Variants in CACNA1C observed in about 807,000 individuals in gnomAD.
CACNA1C encodes the protein calcium voltage-gated channel subunit alpha1 C.
A neutral mutation model predicts 229.0 loss-of-function variants in CACNA1C; 30 were observed. That is an observed-to-expected ratio of 0.13 (90% CI 0.10 to 0.18). The LOEUF (loss-of-function observed/expected upper bound fraction) is 0.18, where lower values mean the gene tolerates loss of function less well. Ranked by LOEUF, CACNA1C falls within the 10% of genes least tolerant of loss-of-function variation. The pLI is 1.00. For synonymous variants in CACNA1C, 1,114 were observed against 1,132.5 expected (o/e 0.98, Z 0.33); for missense variants, 1,658 against 2,845.0 (o/e 0.58, Z 9.49).
chr12:2,516,061 G>C (rs1368361010), intron 9 of CACNA1C, among the ~76,000 whole-genome samples: 1 of 152,030 alleles, frequency 6.6e-6, no homozygotes, highest in East Asian at 1.9e-4. Flanking sequence ...GGGGGAAGCA[G>C]TGAAGGGGGA....
chr12:2,360,173 C>T (rs796544010), intron 3 of CACNA1C, among the ~76,000 whole-genome samples: 4,067 of 113,734 alleles, frequency 0.036, 124 homozygotes, highest in African/African-American at 0.066. Context: ...CCCACCCCCC[C>T]ACCCCACACA....
rs769745410 is a variant in CACNA1C at position 2,181,096 on chromosome 12, G to T, written c.477+60666G>T. On this transcript the variant is annotated intron_variant, in intron 3 of 46. Transcript: ENST00000399655. The surrounding 1 kb of genome is among the most constrained non-coding windows in gnomAD (Gnocchi z 4.0). Reference sequence around the variant, plus strand: ...AGACTCAAATGTTTTCTTCTGGGGGGTTACAGTCTGGGGAAGACCCCTGTG... The same window carrying T: ...AGACTCAAATGTTTTCTTCTGGGGGTTTACAGTCTGGGGAAGACCCCTGTG... Among the ~76,000 whole-genome samples, 2 of 152,136 alleles carry T rather than the reference G, an allele frequency of 1.3e-5. No individual in the cohort carries two copies. Among genetic ancestry groups the T allele is most frequent in the East Asian group, 3.8e-4 (2 of 5,200 alleles).
At chr12:2,641,641 C>G in intron 30 of CACNA1C, 1 of 689,144 alleles carries the variant, frequency 1.5e-6, no homozygotes, top group South Asian at 1.5e-5. Context: ...TGAAGTGATT[C>G]CAGCACAGTC....
intron 3 of CACNA1C, among the ~76,000 whole-genome samples, chr12:2,280,851 C>T (rs529993315): frequency 6.6e-6 from 1 of 152,326 alleles, no homozygotes; most frequent in East Asian, 1.9e-4. Flanking sequence ...TTTCTGCCTC[C>T]TTTTGGATTA....
In CACNA1C at chr12:2,521,626, G is replaced by A. The variant is rs1004554830; in HGVS notation, c.1390+8642G>A. The stretch of plus-strand genomic sequence containing the variant: ...TCCCAGTTCCCCAGGATACAAAGCC[G>A]CCTTCCTCTTTCCTCTCCTGTGCCC... On this transcript the variant is annotated intron_variant, in intron 9 of 46. Coordinates refer to ENST00000399655, the MANE Select transcript of CACNA1C (RefSeq NM_000719.7). Among the ~76,000 whole-genome samples, 8 of 152,164 alleles carry A rather than the reference G, an allele frequency of 5.3e-5. No homozygotes were observed. In the East Asian group the frequency reaches 7.7e-4, roughly 15 times the overall value.
Position 2,595,808 on chromosome 12 carries a change from G to T in CACNA1C, c.2664-66G>T. The T allele has an allele frequency of 6.5e-7, 1 of 1,546,586 alleles. No homozygotes were observed. Among genetic ancestry groups the T allele is most frequent in the Non-Finnish European group, 8.8e-7 (1 of 1,133,590 alleles). ...GAGAGCTGAGGAGAGGGGCTCCCAA[G>T]AGCCGACTGGTGCTTCCCCTTGTCT... On this transcript the variant is annotated intron_variant, in intron 19 of 46. Coordinates refer to ENST00000399655, the MANE Select transcript of CACNA1C (RefSeq NM_000719.7). The surrounding 1 kb of genome is among the most constrained non-coding windows in gnomAD (Gnocchi z 4.1).
At chr12:2,122,531 G>A (rs961285943) in intron 3 of CACNA1C, among the ~76,000 whole-genome samples, 2 of 151,874 alleles carry the variant, frequency 1.3e-5, no homozygotes, top group Admixed American at 6.5e-5. Context: ...GCTGTGACCC[G>A]GCCTCCCGGT....
intron 3 of CACNA1C, among the ~76,000 whole-genome samples, chr12:2,144,609 TG>T (rs1565963083): frequency 1.3e-5 from 2 of 151,382 alleles, no homozygotes; most frequent in African/African-American, 4.8e-5. Flanking sequence ...TGTTTAGGTT[TG>T]GGGTGTGACT....
intron 1 of CACNA1C, chr12:1,997,790 G>A (rs372728456): frequency 4.7e-5 from 32 of 675,670 alleles, no homozygotes; most frequent in South Asian, 1.5e-4. Context: ...TCCCTTCTTC[G>A]TGTCAACTAA....
chr12:2,252,257 G>C (rs1394033931), intron 3 of CACNA1C, among the ~76,000 whole-genome samples: 1 of 152,164 alleles, frequency 6.6e-6, no homozygotes, highest in African/African-American at 2.4e-5. Flanking sequence ...ATTTGCTGGG[G>C]GCTCTTGTGG....
intron 3 of CACNA1C, among the ~76,000 whole-genome samples, chr12:2,131,961 T>C (rs1339006102): frequency 1.4e-5 from 2 of 144,438 alleles, no homozygotes; most frequent in Non-Finnish European, 3.0e-5. Context: ...TCCATTTGTT[T>C]GTATCCTCTT....
intron 3 of CACNA1C, among the ~76,000 whole-genome samples, chr12:2,290,383 G>T (rs1160162098): frequency 6.6e-6 from 1 of 152,184 alleles, no homozygotes; most frequent in Non-Finnish European, 1.5e-5. Context: ...CAATGGTGTT[G>T]ACTCCCTCTG....
At chr12:1,984,888 A>G (rs1209614546) in intron 1 of CACNA1C, among the ~76,000 whole-genome samples, 1 of 149,900 alleles carries the variant, frequency 6.7e-6, no homozygotes, top group African/African-American at 2.5e-5. Flanking sequence ...ATAGAATTCT[A>G]GGTTAATAGC....
chr12:2,338,037 C>G (rs539528395), intron 3 of CACNA1C, among the ~76,000 whole-genome samples: 62 of 152,240 alleles, frequency 4.1e-4, no homozygotes, highest in African/African-American at 1.4e-3. Flanking sequence ...CCTGGAATCC[C>G]CTCTCTGCAC....
At chr12:2,596,871 A>T (rs2068510222) in intron 20 of CACNA1C, among the ~76,000 whole-genome samples, 1 of 152,146 alleles carries the variant, frequency 6.6e-6, no homozygotes. Flanking sequence ...TGTCCTTTTG[A>T]CAAGTATCTT....
intron 10 of CACNA1C, among the ~76,000 whole-genome samples, chr12:2,551,821 G>A (rs985671310): frequency 6.6e-6 from 1 of 152,102 alleles, no homozygotes; most frequent in Non-Finnish European, 1.5e-5. Context: ...TAATGAAGAG[G>A]AAGGAGCCGT....
At chr12:2,313,129 C>A (rs1293455208) in intron 3 of CACNA1C, among the ~76,000 whole-genome samples, 1 of 152,124 alleles carries the variant, frequency 6.6e-6, no homozygotes, top group African/African-American at 2.4e-5. Flanking sequence ...GTGGTAAGGC[C>A]GCCCTGAGTC....
chr12:2,090,212 C>T (rs756997517), intron 1 of CACNA1C, among the ~76,000 whole-genome samples: 9 of 151,512 alleles, frequency 5.9e-5, no homozygotes, highest in Non-Finnish European at 1.3e-4. Context: ...GTTTATTTCA[C>T]GTAGCATAAT....
intron 3 of CACNA1C, among the ~76,000 whole-genome samples, chr12:2,264,286 A>G (rs947968517): frequency 7.2e-5 from 11 of 152,222 alleles, no homozygotes; most frequent in Admixed American, 7.2e-4. Context: ...CCTTTCTCAG[A>G]TCAGCCCTCT....
Sources: allele counts gnomAD v4.1 joint callset (sites outside exome capture counted in the v4.1 genomes callset), GRCh38; gene constraint gnomAD v4.1.1; non-coding constraint Gnocchi (gnomAD v3.1); transcripts MANE v1.5; gene names NCBI Gene and HGNC (gene_info 2026-07-23, HGNC 2026-07-21).